Variants in NRCAM observed in about 807,000 individuals in gnomAD.
NRCAM encodes neuronal cell adhesion molecule.
Under a neutral mutation model 156.5 loss-of-function variants are expected in NRCAM, and 83 were observed. The ratio of observed to expected loss-of-function variants is 0.53; its 90% confidence interval spans 0.44 to 0.64. The LOEUF is 0.64. Ranked by LOEUF, NRCAM falls within the 30% of genes least tolerant of loss-of-function variation. The probability of loss-of-function intolerance (pLI) is 0.00; values close to 1 mark genes in which losing one functional copy is unlikely to be tolerated. For synonymous variants in NRCAM, 538 were observed against 563.9 expected, an observed-to-expected ratio of 0.95 and a Z score of 0.65; for missense variants, 1,417 against 1,597.3, an observed-to-expected ratio of 0.89 and a Z score of 1.92.
At chr7:108,406,969 T>A (rs2099809134) in intron 1 of NRCAM, among the ~76,000 whole-genome samples, 1 of 152,236 alleles carries the variant, frequency 6.6e-6, no homozygotes, top group Non-Finnish European at 1.5e-5. Context: ...GGGGAATTTC[T>A]GCAGCTGATG....
chr7:108,312,168 T>C (rs971288907), intron 3 of NRCAM, among the ~76,000 whole-genome samples: 1 of 152,130 alleles, frequency 6.6e-6, no homozygotes, highest in East Asian at 1.9e-4. Flanking sequence ...GAAATCACAT[T>C]TCAAAGTAAC....
At chr7:108,191,971 C>A in intron 17 of NRCAM, 118 bp from the exon 18 acceptor site, 1 of 1,178,420 alleles carries the variant, frequency 8.5e-7, no homozygotes, top group South Asian at 1.6e-5. Flanking sequence ...TAAACACTTT[C>A]AAAAGTTAGA....
chr7:108,266,788 C>T (rs955148328), intron 3 of NRCAM, among the ~76,000 whole-genome samples: 4 of 152,184 alleles, frequency 2.6e-5, no homozygotes, highest in African/African-American at 9.7e-5. Context: ...TATGTTATCC[C>T]TAAGCCCACC....
chr7:108,198,034 T>A lies in NRCAM; in HGVS notation c.1273A>T (p.Arg425Ter). 1.2e-6 allele frequency: 2 copies of A among 1,604,226 alleles called. No individual in the cohort carries two copies. The highest frequency in any genetic ancestry group is 1.7e-6 in the Non-Finnish European group (2 of 1,175,534). Reference protein sequence around the residue: ...DTIIFSNVQERSSAVYQCNAS... With the variant: ...DTIIFSNVQE ...TTGCACTGATAGACTGCACTTGATCTTTCTTGAACATTTGAAAAAATAATG... is the reference window on the plus strand; with the variant it reads ...TTGCACTGATAGACTGCACTTGATCATTCTTGAACATTTGAAAAAATAATG... Residue 425 changes from arginine (R) to a stop codon, truncating the protein, a stop_gained, in exon 14 of 33, where the codon AGA becomes TGA. Transcript: ENST00000379028. LOFTEE classifies it high-confidence loss of function.
At chr7:108,247,578 T>A (rs1042164442) in intron 3 of NRCAM, among the ~76,000 whole-genome samples, 2 of 130,520 alleles carry the variant, frequency 1.5e-5, no homozygotes, top group Non-Finnish European at 1.6e-5. Context: ...TTGTTTATGC[T>A]AAATTATTTT....
At chr7:108,329,767 C>T (rs1244273562) in intron 2 of NRCAM, among the ~76,000 whole-genome samples, 1 of 152,150 alleles carries the variant, frequency 6.6e-6, no homozygotes, top group African/African-American at 2.4e-5. Flanking sequence ...AATCACATGA[C>T]CTCTGAAACC....
In NRCAM at chr7:108,216,247, T is replaced by C. The variant is rs144097986; in HGVS notation, c.891-6642A>G. Among the ~76,000 whole-genome samples the C allele has an allele frequency of 9.8e-3, 1,492 of 152,334 alleles. 30 individuals are homozygous for C. The highest frequency in any genetic ancestry group is 0.034 in the African/African-American group (1,394 of 41,566). ...GAATGTTGAATATTGGCCCCCACTT[T>C]CTTCTGGCTTGTAGGGTTTCTGCCA... On this transcript the variant is annotated intron_variant, in intron 11 of 32. Transcript: ENST00000379028.
intron 3 of NRCAM, among the ~76,000 whole-genome samples, chr7:108,255,342 T>C (rs907431089): frequency 2.6e-5 from 4 of 152,174 alleles, no homozygotes; most frequent in African/African-American, 9.7e-5. Context: ...CGTTTTTGTA[T>C]TTTTTGGTGG....
chr7:108,162,279 T>C (rs987824124), intron 30 of NRCAM, among the ~76,000 whole-genome samples: 1 of 152,230 alleles, frequency 6.6e-6, no homozygotes, highest in African/African-American at 2.4e-5. Flanking sequence ...AATAAAATGC[T>C]ATAGGCACTT....
chr7:108,450,973 C>G (rs1045997093), intron 1 of NRCAM, among the ~76,000 whole-genome samples: 3 of 152,126 alleles, frequency 2.0e-5, no homozygotes, highest in Non-Finnish European at 2.9e-5. Context: ...AATCTCAGCA[C>G]TTTGGGAGGC....
intron 6 of NRCAM, 70 bp downstream of exon 6, chr7:108,234,512 AC>A (rs1333995114): frequency 3.1e-6 from 3 of 979,796 alleles, no homozygotes; most frequent in Non-Finnish European, 4.8e-6. Flanking sequence ...AAATTCCCAA[AC>A]ATATTTCTCT....
intron 1 of NRCAM, among the ~76,000 whole-genome samples, chr7:108,438,032 A>T (rs1469682553): frequency 3.8e-5 from 3 of 79,792 alleles, no homozygotes; most frequent in Non-Finnish European, 6.2e-5. Flanking sequence ...TATAAGAAGT[A>T]AAAAAAAAAA....
Position 108,170,700 on chromosome 7 carries a change from G to C in NRCAM, c.3188-2298C>G, listed in dbSNP as rs114051921. 2.9e-3 allele frequency among the ~76,000 whole-genome samples: 442 copies of C among 152,286 alleles called. 4 individuals are homozygous for C. The highest frequency in any genetic ancestry group is 0.01 in the African/African-American group (425 of 41,566). ...GTCTTCAGGGTCTCCTGAGCTATGG[G>C]TATGTCACGGGCATATGTTCTCAAC... On this transcript the variant is annotated intron_variant, in intron 28 of 32. Transcript: ENST00000379028.
intron 11 of NRCAM, among the ~76,000 whole-genome samples, chr7:108,217,440 C>G (rs528168340): frequency 2.6e-5 from 4 of 152,336 alleles, no homozygotes; most frequent in South Asian, 2.1e-4. Flanking sequence ...TAGCAGAGCT[C>G]GAGCACTGTG....
At chr7:108,246,433 C>CAG (rs1319291189) in intron 3 of NRCAM, among the ~76,000 whole-genome samples, 2 of 152,034 alleles carry the variant, frequency 1.3e-5, no homozygotes, top group Non-Finnish European at 2.9e-5. Context: ...GAATGTGAGA[C>CAG]AGAGAGAGAG....
At chr7:108,335,461 A>ATTTTTTTTTT (rs2099173387) in intron 2 of NRCAM, among the ~76,000 whole-genome samples, 4 of 25,546 alleles carry the variant, frequency 1.6e-4, no homozygotes, top group African/African-American at 6.0e-4. Context: ...TTTTTTTTTC[A>ATTTTTTTTTT]GTTTTCACTG....
intron 9 of NRCAM, 121 bp downstream of exon 9, chr7:108,226,087 A>T (rs1194907749): frequency 1.5e-6 from 1 of 678,678 alleles, no homozygotes; most frequent in Non-Finnish European, 2.5e-6. Flanking sequence ...GTGAGCATTC[A>T]TGGGTGGCTT....
chr7:108,239,731 G>A (rs2095408000), intron 4 of NRCAM, among the ~76,000 whole-genome samples: 1 of 152,184 alleles, frequency 6.6e-6, no homozygotes, highest in Non-Finnish European at 1.5e-5. Context: ...ACCTGAGGGG[G>A]AAGAAGGAGA....
intron 3 of NRCAM, among the ~76,000 whole-genome samples, chr7:108,282,374 G>T (rs17155362): frequency 0.04 from 6,058 of 152,146 alleles, 176 homozygotes; most frequent in South Asian, 0.12. Flanking sequence ...TTTCTTTCTG[G>T]AGACATGATT....
Sources: allele counts gnomAD v4.1 joint callset (sites outside exome capture counted in the v4.1 genomes callset), GRCh38; gene constraint gnomAD v4.1.1; transcripts MANE v1.5; gene names NCBI Gene and HGNC (gene_info 2026-07-23, HGNC 2026-07-21).